Variants in POU3F3 observed in about 807,000 individuals in gnomAD.
The protein encoded by POU3F3 is POU class 3 homeobox 3.
A neutral mutation model predicts 8.6 loss-of-function variants in POU3F3; 1 was observed. The observed-to-expected ratio is 0.12, with a 90% CI of 0.04 to 0.55. The LOEUF (loss-of-function observed/expected upper bound fraction) is 0.55. Among genes scored for constraint, POU3F3 ranks in the 20% least tolerant of loss-of-function variants. POU3F3 has a pLI of 0.91. For missense variants in POU3F3, 577 were observed against 690.7 expected, an observed-to-expected ratio of 0.84 and a Z score of 1.84; for synonymous variants, 418 against 327.4, an observed-to-expected ratio of 1.28 and a Z score of -2.99.
the POU3F3 span, among the ~76,000 whole-genome samples, chr2:104,881,278 C>T: frequency 1.3e-5 from 2 of 152,118 alleles, no homozygotes; most frequent in South Asian, 4.2e-4. Flanking sequence ...TTACCTCCAC[C>T]CCCTCAGTGA....
the POU3F3 span, among the ~76,000 whole-genome samples, chr2:104,873,182 G>T: frequency 4.4e-3 from 664 of 152,318 alleles, 6 homozygotes; most frequent in African/African-American, 0.015. Context: ...GCGGCTGTGA[G>T]CGCTGGGCCG....
At chr2:104,861,416 A>T (rs572908101), downstream of POU3F3, among the ~76,000 whole-genome samples, 13 of 152,348 alleles carry the variant, frequency 8.5e-5, no homozygotes, top group Middle Eastern at 3.4e-3. Flanking sequence ...GACAGAAATT[A>T]AAGAATTTTC....
At chr2:104,882,112 G>A in the POU3F3 span, among the ~76,000 whole-genome samples, 1 of 152,142 alleles carries the variant, frequency 6.6e-6, no homozygotes. Flanking sequence ...AAAAATATAT[G>A]CAGAGTGTTT....
At chr2:104,918,880 C>CA in the POU3F3 span, among the ~76,000 whole-genome samples, 1 of 141,248 alleles carries the variant, frequency 7.1e-6, no homozygotes, top group East Asian at 2.1e-4. Context: ...CATGAAAACA[C>CA]TTTTTTTTTT....
the POU3F3 span, among the ~76,000 whole-genome samples, chr2:104,898,775 G>A: frequency 6.6e-6 from 1 of 152,034 alleles, no homozygotes; most frequent in Non-Finnish European, 1.5e-5. Flanking sequence ...ACCTTTTTCT[G>A]CCTGAGTTAA....
the POU3F3 span, among the ~76,000 whole-genome samples, chr2:104,884,663 T>A: frequency 6.6e-6 from 1 of 152,040 alleles, no homozygotes; most frequent in Non-Finnish European, 1.5e-5. Flanking sequence ...ACAAAGGGTG[T>A]GGTGTTGTAA....
At chr2:104,876,819 C>T in the POU3F3 span, among the ~76,000 whole-genome samples, 7 of 152,288 alleles carry the variant, frequency 4.6e-5, no homozygotes, top group East Asian at 1.9e-4. Context: ...GCAGAGACCT[C>T]GACCTCCCTT....
chr2:104,886,490 A>C, the POU3F3 span, among the ~76,000 whole-genome samples: 3 of 152,160 alleles, frequency 2.0e-5, no homozygotes, highest in Admixed American at 6.5e-5. Context: ...ATGTTTGCAC[A>C]ACAAGAAAAT....
chr2:104,908,459 T>C, the POU3F3 span, among the ~76,000 whole-genome samples: 1 of 152,302 alleles, frequency 6.6e-6, no homozygotes, highest in South Asian at 2.1e-4. Flanking sequence ...GAGTAAGAAG[T>C]AAAGAATTGT....
the POU3F3 span, among the ~76,000 whole-genome samples, chr2:104,897,656 AGT>A: frequency 6.6e-6 from 1 of 152,224 alleles, no homozygotes; most frequent in Non-Finnish European, 1.5e-5. Context: ...AGGAATCATC[AGT>A]GCTGGAAAGG....
chr2:104,926,471 A>T, the POU3F3 span, among the ~76,000 whole-genome samples: 2 of 152,220 alleles, frequency 1.3e-5, no homozygotes, highest in Admixed American at 6.5e-5. Flanking sequence ...GCTTTAGAGG[A>T]TGTGGATAAA....
the POU3F3 span, among the ~76,000 whole-genome samples, chr2:104,915,809 A>G: frequency 6.6e-6 from 1 of 151,908 alleles, no homozygotes; most frequent in Non-Finnish European, 1.5e-5. Flanking sequence ...CTTCCTTTGG[A>G]GTGTGGGTTC....
the POU3F3 span, chr2:104,872,227 C>T: frequency 8.8e-6 from 4 of 456,390 alleles, no homozygotes; most frequent in Non-Finnish European, 1.8e-5. This position sits in a 1 kb window ranked among gnomAD's most constrained non-coding sequence, Gnocchi z 4.6. Context: ...CTGTCCGCTC[C>T]CCGGCGTTCT....
chr2:104,888,016 TAAG>T, the POU3F3 span, among the ~76,000 whole-genome samples: 2 of 152,238 alleles, frequency 1.3e-5, no homozygotes, highest in Non-Finnish European at 2.9e-5. Flanking sequence ...CACGTGCTTT[TAAG>T]AAGAGTGATG....
chr2:104,874,539 C>G, the POU3F3 span, among the ~76,000 whole-genome samples: 1 of 152,184 alleles, frequency 6.6e-6, no homozygotes, highest in Non-Finnish European at 1.5e-5. Flanking sequence ...AACCTCTTCT[C>G]CTCTGACCCC....
the POU3F3 span, among the ~76,000 whole-genome samples, chr2:104,915,227 T>C: frequency 2.0e-5 from 3 of 152,134 alleles, no homozygotes; most frequent in African/African-American, 7.2e-5. Flanking sequence ...TTTGACAGAG[T>C]GCCCTGTTTC....
the POU3F3 span, among the ~76,000 whole-genome samples, chr2:104,874,587 G>A: frequency 1.3e-5 from 2 of 152,120 alleles, no homozygotes; most frequent in African/African-American, 4.8e-5. Flanking sequence ...CAGTGTGGGG[G>A]ACCTATCTTT....
upstream of POU3F3, chr2:104,853,549 T>G (rs1383048977): frequency 6.6e-6 from 1 of 152,664 alleles, no homozygotes; most frequent in East Asian, 1.9e-4. Context: ...TTGAAACCAC[T>G]GGGGACACAT....
At chr2:104,897,403 TG>T in the POU3F3 span, among the ~76,000 whole-genome samples, 1 of 152,166 alleles carries the variant, frequency 6.6e-6, no homozygotes, top group Non-Finnish European at 1.5e-5. Flanking sequence ...GAACCACACC[TG>T]GGAGAAAGGA....
Sources: allele counts gnomAD v4.1 joint callset (sites outside exome capture counted in the v4.1 genomes callset), GRCh38; gene constraint gnomAD v4.1.1; non-coding constraint Gnocchi (gnomAD v3.1); transcripts MANE v1.5; gene names NCBI Gene and HGNC (gene_info 2026-07-23, HGNC 2026-07-21).